THSD7A: variants seen among roughly 807,000 people sequenced by gnomAD.
THSD7A encodes the protein thrombospondin type-1 domain-containing protein 7A.
A neutral mutation model predicts 231.3 loss-of-function variants in THSD7A; 96 were observed. The ratio of observed to expected loss-of-function variants is 0.41; its 90% CI spans 0.35 to 0.49. THSD7A has a LOEUF of 0.49. Ranked by LOEUF, THSD7A falls within the 20% of genes least tolerant of loss-of-function variation. The probability of loss-of-function intolerance (pLI) is 0.05; values close to 1 mark genes in which losing one functional copy is unlikely to be tolerated. For synonymous variants in THSD7A, 940 were observed against 743.3 expected, an observed-to-expected ratio of 1.26 and a Z score of -4.30; for missense variants, 2,290 against 2,070.2, an observed-to-expected ratio of 1.11 and a Z score of -2.06.
chr7:11,710,553 G>A (rs1780920259), intron 1 of THSD7A, among the ~76,000 whole-genome samples: 1 of 150,818 alleles, frequency 6.6e-6, no homozygotes, highest in African/African-American at 2.4e-5. Context: ...AAAAGCCAGG[G>A]TATATATCCC....
chr7:11,742,541 T>C (rs2030866), intron 1 of THSD7A, among the ~76,000 whole-genome samples: 50,594 of 151,806 alleles, frequency 0.33, 10,193 homozygotes, highest in Admixed American at 0.44. Context: ...AACCTTTATG[T>C]TGTCTAATTG....
intron 1 of THSD7A, among the ~76,000 whole-genome samples, chr7:11,638,514 T>C (rs1201431191): frequency 6.6e-6 from 1 of 152,224 alleles, no homozygotes; most frequent in Admixed American, 6.5e-5. Flanking sequence ...AGAATTTCCT[T>C]ACAAATGGCA....
At chr7:11,653,420 A>C (rs1782581859) in intron 1 of THSD7A, among the ~76,000 whole-genome samples, 1 of 144,456 alleles carries the variant, frequency 6.9e-6, no homozygotes, top group Non-Finnish European at 1.5e-5. Flanking sequence ...CCAAGCCCAG[A>C]GAGGAACACC....
chr7:11,552,898 G>A (rs920512662), intron 4 of THSD7A, among the ~76,000 whole-genome samples: 1 of 151,974 alleles, frequency 6.6e-6, no homozygotes, highest in African/African-American at 2.4e-5. Flanking sequence ...ATCAGACACC[G>A]CCTCCTCAAA....
At chr7:11,629,401 G>A (rs757609652) in intron 2 of THSD7A, among the ~76,000 whole-genome samples, 1 of 152,182 alleles carries the variant, frequency 6.6e-6, no homozygotes, top group Non-Finnish European at 1.5e-5. Context: ...GCCGAGGCAA[G>A]CTTGCGAGAC....
At chr7:11,747,264 C>A (rs1477167244) in intron 1 of THSD7A, among the ~76,000 whole-genome samples, 1 of 151,892 alleles carries the variant, frequency 6.6e-6, no homozygotes. Flanking sequence ...ATTCATGGTT[C>A]TTCCTTCAAA....
At chr7:11,518,642 T>G (rs1351650567) in intron 6 of THSD7A, among the ~76,000 whole-genome samples, 1 of 147,550 alleles carries the variant, frequency 6.8e-6, no homozygotes, top group Non-Finnish European at 1.5e-5. Flanking sequence ...CACGCACACA[T>G]AGATTTCTTT....
At chr7:11,704,050 TA>T (rs1193648594) in intron 1 of THSD7A, among the ~76,000 whole-genome samples, 1 of 151,348 alleles carries the variant, frequency 6.6e-6, no homozygotes, top group South Asian at 2.1e-4. Context: ...CCAATCTTTA[TA>T]CTAATGCTAT....
rs1430762242 is a variant in THSD7A at position 11,411,899 on chromosome 7, C to A, written c.3683-577G>T. Among the ~76,000 whole-genome samples the A allele has an allele frequency of 1.4e-5, 2 of 140,202 alleles. No individual in the cohort carries two copies. The highest frequency in any genetic ancestry group is 3.0e-5 in the Non-Finnish European group (2 of 65,888). The allele number at this position is 140,202 out of a possible 152,430, so 92.0% of individuals were successfully genotyped here. On this transcript the variant is annotated intron_variant, in intron 18 of 27. Transcript: ENST00000423059. This position sits in a 1 kb window ranked among gnomAD's most constrained non-coding sequence, Gnocchi z 4.1. ...GGGTAACATAGCACATCCCAGATAA[C>A]TGTGATTTTTTTTTTTTGTATCATC...
Position 11,617,677 on chromosome 7 carries a change from T to C in THSD7A, c.1022+18453A>G, listed in dbSNP as rs896072464. Among the ~76,000 whole-genome samples, 7 of 152,330 alleles carry C rather than the reference T, an allele frequency of 4.6e-5. No homozygotes were observed. In the South Asian group the frequency reaches 1.2e-3, roughly 27 times the overall value. Reference sequence around the variant, plus strand: ...CTTTGTTGTTACGTTAGATTTACCTTTTATTAGATGTTAATATTAGATGTT... The same window carrying C: ...CTTTGTTGTTACGTTAGATTTACCTCTTATTAGATGTTAATATTAGATGTT... On this transcript the variant is annotated intron_variant, in intron 2 of 27. Transcript: ENST00000423059.
intron 7 of THSD7A, among the ~76,000 whole-genome samples, chr7:11,475,371 G>A (rs943351396): frequency 6.6e-6 from 1 of 151,906 alleles, no homozygotes; most frequent in African/African-American, 2.4e-5. Flanking sequence ...AGATTCTGCG[G>A]CAGCACAGCC....
At chr7:11,686,164 A>G (rs1780045181) in intron 1 of THSD7A, among the ~76,000 whole-genome samples, 1 of 151,904 alleles carries the variant, frequency 6.6e-6, no homozygotes, top group South Asian at 2.1e-4. Flanking sequence ...GATGGGAACA[A>G]TAGACACTGG....
intron 1 of THSD7A, among the ~76,000 whole-genome samples, chr7:11,701,377 A>T (rs372245927): frequency 1.9e-4 from 28 of 151,322 alleles, no homozygotes; most frequent in African/African-American, 6.8e-4. Context: ...GCTCTTTGTA[A>T]ATATGATTTT....
At chr7:11,827,168 C>A (rs111733554) in intron 1 of THSD7A, among the ~76,000 whole-genome samples, 3 of 152,184 alleles carry the variant, frequency 2.0e-5, no homozygotes, top group African/African-American at 7.2e-5. Context: ...CCATGCCCAA[C>A]AGACTTTTAT....
At chr7:11,492,695 G>A (rs1047990844) in intron 6 of THSD7A, among the ~76,000 whole-genome samples, 34 of 152,172 alleles carry the variant, frequency 2.2e-4, no homozygotes, top group Middle Eastern at 3.4e-3. Context: ...TGGAAATGAG[G>A]AAGAGCAATA....
At chr7:11,551,454 A>C (rs1365818978) in intron 4 of THSD7A, among the ~76,000 whole-genome samples, 2 of 152,170 alleles carry the variant, frequency 1.3e-5, no homozygotes, top group African/African-American at 2.4e-5. Context: ...CATCTGACAA[A>C]GGTCTAATAT....
chr7:11,429,320 A>G (rs1784411987), intron 13 of THSD7A, among the ~76,000 whole-genome samples, 195 bp from the exon 14 acceptor site: 1 of 152,204 alleles, frequency 6.6e-6, no homozygotes, highest in Non-Finnish European at 1.5e-5. Flanking sequence ...CTCTGTTAAA[A>G]TAACAGTTGA....
chr7:11,411,179 G>T lies in THSD7A; in HGVS notation c.3798+28C>A. On this transcript the variant is annotated intron_variant, in intron 19 of 27. Transcript: ENST00000423059. The surrounding 1 kb of genome is among the most constrained non-coding windows in gnomAD (Gnocchi z 4.1). ...GAAATTATTAGGGAAGAATTTACTC[G>T]CGAAGATATAACACAGCATCCACCT... 2 of 1,543,532 alleles carry T rather than the reference G, an allele frequency of 1.3e-6. No homozygotes were observed. Among genetic ancestry groups the T allele is most frequent in the Non-Finnish European group, 1.8e-6 (2 of 1,118,340 alleles).
intron 13 of THSD7A, among the ~76,000 whole-genome samples, chr7:11,440,559 G>A (rs1199305944): frequency 6.6e-6 from 1 of 152,024 alleles, no homozygotes; most frequent in Non-Finnish European, 1.5e-5. Context: ...CTTAACAGGA[G>A]TTTGAATGAA....
Sources: gnomAD v4.1 joint callset for allele counts (sites outside exome capture counted in the v4.1 genomes callset) on GRCh38, gnomAD v4.1.1 for gene constraint, Gnocchi (gnomAD v3.1) non-coding constraint, MANE v1.5 for transcripts, NCBI Gene and HGNC (gene_info 2026-07-23, HGNC 2026-07-21) for gene names.